Variants in MPPED2 observed in about 807,000 individuals in gnomAD.
MPPED2 encodes the protein metallophosphoesterase MPPED2.
In MPPED2, 5 loss-of-function variants were observed where a neutral mutation model predicts 33.0. The ratio of observed to expected loss-of-function variants is 0.15; its 90% CI spans 0.08 to 0.32. The LOEUF (loss-of-function observed/expected upper bound fraction) is 0.32, where lower values mean the gene tolerates loss of function less well. MPPED2 is among the 10% of genes least tolerant of loss of function. MPPED2 has a pLI of 1.00. For synonymous variants in MPPED2, 136 were observed against 141.9 expected (o/e 0.96, Z 0.29); for missense variants, 275 against 372.1 (o/e 0.74, Z 2.15).
chr11:30,575,404 AC>A (rs948744786), intron 2 of MPPED2, among the ~76,000 whole-genome samples: 1 of 152,178 alleles, frequency 6.6e-6, no homozygotes, highest in African/African-American at 2.4e-5. Flanking sequence ...AATGCTCACA[AC>A]CATATTAAAG....
intron 4 of MPPED2, among the ~76,000 whole-genome samples, chr11:30,442,415 G>A (rs930034921): frequency 6.6e-6 from 1 of 152,184 alleles, no homozygotes; most frequent in Non-Finnish European, 1.5e-5. Context: ...AGTATGTCAG[G>A]ACAGCAGGGA....
At chr11:30,403,394 A>G (rs1223795726) in intron 6 of MPPED2, among the ~76,000 whole-genome samples, 1 of 152,256 alleles carries the variant, frequency 6.6e-6, no homozygotes, top group African/African-American at 2.4e-5. Context: ...ATACACACAT[A>G]CATTCACCGA....
intron 2 of MPPED2, among the ~76,000 whole-genome samples, chr11:30,555,118 T>G (rs972291054): frequency 5.3e-5 from 8 of 152,138 alleles, no homozygotes; most frequent in Admixed American, 3.9e-4. Context: ...AATGTTGGAC[T>G]TTTTTTCTTC....
intron 1 of MPPED2, among the ~76,000 whole-genome samples, chr11:30,582,177 T>A (rs1366961056): frequency 6.6e-6 from 1 of 152,210 alleles, no homozygotes; most frequent in African/African-American, 2.4e-5. Flanking sequence ...TTCTAAGTAC[T>A]GTAATTCTCT....
intron 3 of MPPED2, among the ~76,000 whole-genome samples, chr11:30,498,844 A>G (rs1008536162): frequency 2.0e-5 from 3 of 152,238 alleles, no homozygotes; most frequent in African/African-American, 7.2e-5. Context: ...TACAGGGACA[A>G]TAAAGTGACA....
intron 2 of MPPED2, among the ~76,000 whole-genome samples, chr11:30,548,059 G>T (rs573718581): frequency 6.6e-6 from 1 of 152,118 alleles, no homozygotes; most frequent in Non-Finnish European, 1.5e-5. Context: ...GAATCCACAA[G>T]ACCTGGCTTT....
intron 3 of MPPED2, among the ~76,000 whole-genome samples, chr11:30,517,755 G>A (rs965509405): frequency 1.3e-5 from 2 of 152,078 alleles, no homozygotes; most frequent in Admixed American, 6.6e-5. Context: ...ACCAAAGGAC[G>A]AAGAAAGAAC....
chr11:30,470,619 A>G (rs529683620), intron 4 of MPPED2, among the ~76,000 whole-genome samples: 80 of 152,298 alleles, frequency 5.3e-4, no homozygotes, highest in African/African-American at 1.9e-3. Context: ...TATCTCTACA[A>G]AACTTTTTCT....
intron 4 of MPPED2, among the ~76,000 whole-genome samples, chr11:30,457,182 T>C (rs1472119227): frequency 6.6e-6 from 1 of 152,102 alleles, no homozygotes; most frequent in East Asian, 1.9e-4. Context: ...CCAGCAATGT[T>C]CCCTGGACAT....
chr11:30,477,135 T>TAA (rs1951243541), intron 4 of MPPED2, among the ~76,000 whole-genome samples: 1 of 152,118 alleles, frequency 6.6e-6, no homozygotes, highest in Admixed American at 6.6e-5. Flanking sequence ...TCCTTAGAAT[T>TAA]TTCTACAATG....
At chr11:30,461,276 C>T (rs1025833773) in intron 4 of MPPED2, among the ~76,000 whole-genome samples, 3 of 152,058 alleles carry the variant, frequency 2.0e-5, no homozygotes, top group Admixed American at 2.0e-4. Flanking sequence ...ACGAAAAAAG[C>T]TCTGGAGATG....
At chr11:30,566,477 T>C (rs1406199755) in intron 2 of MPPED2, among the ~76,000 whole-genome samples, 1 of 152,100 alleles carries the variant, frequency 6.6e-6, no homozygotes, top group African/African-American at 2.4e-5. Context: ...CTGAGCTTCA[T>C]CCAGCTCCAT....
At chr11:30,393,914 C>T (rs1426218521) in intron 6 of MPPED2, among the ~76,000 whole-genome samples, 1 of 152,098 alleles carries the variant, frequency 6.6e-6, no homozygotes, top group Non-Finnish European at 1.5e-5. Context: ...TTTGTCAGCC[C>T]CAAAAACTCC....
At chr11:30,394,763 C>A (rs1042060937) in intron 6 of MPPED2, among the ~76,000 whole-genome samples, 3 of 152,108 alleles carry the variant, frequency 2.0e-5, no homozygotes, top group African/African-American at 7.2e-5. Context: ...CAATGAAGTT[C>A]AACTTACAAA....
At chr11:30,397,525 G>T (rs541737086) in intron 6 of MPPED2, among the ~76,000 whole-genome samples, 2 of 151,992 alleles carry the variant, frequency 1.3e-5, no homozygotes, top group Non-Finnish European at 2.9e-5. Context: ...TAAGTTCATC[G>T]GATTGTTCTG....
At position 30,534,900 on chromosome 11, in the gene MPPED2, T is replaced by TA. The variant is rs759404409; in HGVS notation, c.310+1093dup. On this transcript the variant is annotated intron_variant, in intron 3 of 6. Transcript: ENST00000358117. ...AACCATATGAATGCCATGCTGCTAT[T>TA]AAAAAGAATATGAAAATTATGCAAA... 4.9e-4 allele frequency among the ~76,000 whole-genome samples: 75 copies of TA among 152,170 alleles called. 1 individual carries two copies. Among genetic ancestry groups the TA allele is most frequent in the Non-Finnish European group, 1.0e-3 (71 of 68,026 alleles).
At chr11:30,484,024 T>G (rs1951611817) in intron 4 of MPPED2, among the ~76,000 whole-genome samples, 1 of 152,248 alleles carries the variant, frequency 6.6e-6, no homozygotes, top group Non-Finnish European at 1.5e-5. Context: ...AAAATCAATA[T>G]GTTGACTCTG....
intron 3 of MPPED2, among the ~76,000 whole-genome samples, chr11:30,501,352 T>C (rs1023722242): frequency 1.3e-5 from 2 of 152,226 alleles, no homozygotes; most frequent in African/African-American, 2.4e-5. Flanking sequence ...AACATGTCTT[T>C]CAAACTAACA....
intron 2 of MPPED2, 109 bp downstream of exon 2, chr11:30,580,137 A>G (rs906835755): frequency 5.9e-5 from 65 of 1,094,968 alleles, no homozygotes; most frequent in Non-Finnish European, 1.5e-5. Flanking sequence ...TGATTTGTAA[A>G]TCATTTACCT....
Sources: gnomAD v4.1 joint callset for allele counts (sites outside exome capture counted in the v4.1 genomes callset) on GRCh38, gnomAD v4.1.1 for gene constraint, MANE v1.5 for transcripts, NCBI Gene and HGNC (gene_info 2026-07-23, HGNC 2026-07-21) for gene names.